DGKH: variants seen among roughly 807,000 people sequenced by gnomAD.
The protein encoded by DGKH is DAG kinase eta.
DGKH carries 90 observed loss-of-function variants against 159.3 expected under a neutral mutation model. That is an observed-to-expected ratio of 0.57 (90% CI 0.48 to 0.67). DGKH has a LOEUF of 0.67. Ranked by LOEUF, DGKH falls within the 30% of genes least tolerant of loss-of-function variation. DGKH has a pLI of 0.00. For synonymous variants in DGKH, 536 were observed against 553.8 expected (o/e 0.97, Z 0.45); for missense variants, 1,181 against 1,506.1 (o/e 0.78, Z 3.57).
At chr13:42,062,318 A>G (rs564034820) in intron 1 of DGKH, among the ~76,000 whole-genome samples, 1 of 152,252 alleles carries the variant, frequency 6.6e-6, no homozygotes, top group East Asian at 1.9e-4. Context: ...ACATTTTTCA[A>G]AATATTCAAA....
chr13:42,177,052 T>C (rs1196257966), intron 12 of DGKH, among the ~76,000 whole-genome samples: 2 of 152,210 alleles, frequency 1.3e-5, no homozygotes, highest in African/African-American at 2.4e-5. Flanking sequence ...AAAAACTTTT[T>C]TATTGAATTA....
chr13:42,206,123 T>G lies in DGKH; in HGVS notation c.2578T>G (p.Trp860Gly). 6.9e-7 allele frequency: 1 copy of G among 1,449,822 alleles called. No homozygotes were observed. The highest frequency in any genetic ancestry group is 9.1e-7 in the Non-Finnish European group (1 of 1,093,876). 89.8% of individuals were successfully genotyped at this position (1,449,822 alleles called of 1,614,324 possible). The change falls in exon 21 of 30, where the codon TGG (tryptophan) becomes GGG (glycine). Residue 860 changes from tryptophan to glycine, a missense_variant. Coordinates refer to ENST00000337343, the MANE Select transcript of DGKH (RefSeq NM_178009.5). ...IPSYAGGTNF[W>G]GGTKEDDIFA... ...CAGCTATGCTGGAGGCACTAACTTT[T>G]GGGGTGGAACTAAAGAGGATGATGT...
At chr13:42,115,986 A>T (rs1434505482) in intron 1 of DGKH, among the ~76,000 whole-genome samples, 1 of 152,234 alleles carries the variant, frequency 6.6e-6, no homozygotes, top group East Asian at 1.9e-4. Context: ...TTTCCATAAT[A>T]AATAATGCTT....
intron 8 of DGKH, among the ~76,000 whole-genome samples, 192 bp downstream of exon 8, chr13:42,165,625 C>T (rs1044114359): frequency 2.0e-5 from 3 of 152,000 alleles, no homozygotes; most frequent in African/African-American, 7.2e-5. Flanking sequence ...TGTAGAATAG[C>T]TGTTAACATT....
chr13:42,195,021 T>C lies in DGKH; in HGVS notation c.2167+5T>C. 1 of 1,609,798 alleles carries C rather than the reference T, an allele frequency of 6.2e-7. No homozygotes were observed. The highest frequency in any genetic ancestry group is 8.5e-7 in the Non-Finnish European group (1 of 1,178,876). ...ATACCAGAATAATCTGCCCAGGTAG[T>C]ACAGATTCTGAAACATCGTGTATTT... On this transcript the variant is annotated splice_donor_5th_base_variant and intron_variant, in intron 17 of 29. Transcript: ENST00000337343.
At chr13:42,190,366 C>T in intron 15 of DGKH, 37 bp from the exon 16 acceptor site, 2 of 1,587,996 alleles carry the variant, frequency 1.3e-6, no homozygotes, top group Non-Finnish European at 1.7e-6. Flanking sequence ...GCTTTATTTT[C>T]ACTTATCCAA....
At chr13:42,053,073 T>G (rs1043321058) in intron 1 of DGKH, among the ~76,000 whole-genome samples, 1 of 152,128 alleles carries the variant, frequency 6.6e-6, no homozygotes, top group African/African-American at 2.4e-5. Context: ...CGGTGGCTTA[T>G]GCCTATAATC....
intron 1 of DGKH, chr13:42,069,804 A>T: frequency 9.4e-7 from 1 of 1,059,642 alleles, no homozygotes; most frequent in Non-Finnish European, 1.4e-6. Flanking sequence ...TGTTTTCATG[A>T]TGATCTGGGT....
intron 3 of DGKH, among the ~76,000 whole-genome samples, chr13:42,133,613 T>C (rs1955337470): frequency 6.6e-6 from 1 of 152,112 alleles, no homozygotes; most frequent in Admixed American, 6.6e-5. Flanking sequence ...GGAGGATCGC[T>C]TGAGCTCTGG....
chr13:42,218,373 A>T (rs1196860622), intron 26 of DGKH, among the ~76,000 whole-genome samples: 1 of 151,600 alleles, frequency 6.6e-6, no homozygotes, highest in African/African-American at 2.4e-5. Flanking sequence ...TTCATCACAG[A>T]TTTTTCTAAG....
At chr13:42,106,290 GA>G (rs1314027052) in intron 1 of DGKH, among the ~76,000 whole-genome samples, 1 of 152,200 alleles carries the variant, frequency 6.6e-6, no homozygotes, top group Non-Finnish European at 1.5e-5. Flanking sequence ...TTACAGGCAT[GA>G]GCCACTGTGC....
chr13:42,177,459 A>G (rs1202749555), intron 12 of DGKH, among the ~76,000 whole-genome samples: 1 of 152,146 alleles, frequency 6.6e-6, no homozygotes, highest in Non-Finnish European at 1.5e-5. Flanking sequence ...TGAACATCCT[A>G]GTGCATGTCT....
chr13:42,221,113 G>T, intron 28 of DGKH, 151 bp from the exon 29 acceptor site: 1 of 989,578 alleles, frequency 1.0e-6, no homozygotes, highest in Non-Finnish European at 1.5e-6. Flanking sequence ...GGGAAAAAGT[G>T]GAACTATGGT....
chr13:42,131,092 T>C (rs1427879287), intron 3 of DGKH, among the ~76,000 whole-genome samples: 1 of 152,046 alleles, frequency 6.6e-6, no homozygotes, highest in African/African-American at 2.4e-5. Flanking sequence ...ATGTGAGTAG[T>C]TTCAGTGTGG....
intron 16 of DGKH, among the ~76,000 whole-genome samples, chr13:42,193,760 G>A (rs1957141520): frequency 6.6e-6 from 1 of 152,156 alleles, no homozygotes; most frequent in Non-Finnish European, 1.5e-5. Flanking sequence ...CAATGGGACT[G>A]TTTTTGAATG....
At chr13:42,082,043 C>G (rs1246425086) in intron 1 of DGKH, among the ~76,000 whole-genome samples, 1 of 152,088 alleles carries the variant, frequency 6.6e-6, no homozygotes, top group East Asian at 1.9e-4. Flanking sequence ...AAATGTGGCT[C>G]TCATTATCCT....
intron 29 of DGKH, among the ~76,000 whole-genome samples, chr13:42,222,823 C>T (rs347388): frequency 0.63 from 95,584 of 152,014 alleles, 30,683 homozygotes; most frequent in East Asian, 0.88. Flanking sequence ...TATATGTGTA[C>T]GTGTTATATA....
chr13:42,250,422 T>C (rs982999943), intron 29 of DGKH, among the ~76,000 whole-genome samples: 2 of 152,236 alleles, frequency 1.3e-5, no homozygotes, highest in African/African-American at 4.8e-5. Context: ...TTATCATTTC[T>C]TGATGGTAAT....
intron 29 of DGKH, among the ~76,000 whole-genome samples, chr13:42,249,185 G>A (rs904483993): frequency 6.6e-6 from 1 of 152,142 alleles, no homozygotes; most frequent in African/African-American, 2.4e-5. Context: ...ACCAGCCTGG[G>A]CAACTTGCAG....
Sources: allele counts gnomAD v4.1 joint callset (sites outside exome capture counted in the v4.1 genomes callset), GRCh38; gene constraint gnomAD v4.1.1; transcripts MANE v1.5; gene names NCBI Gene and HGNC (gene_info 2026-07-23, HGNC 2026-07-21).